The following PTPRN2 variants were observed in gnomAD, a reference collection of about 807,000 sequenced individuals.
PTPRN2 encodes receptor-type tyrosine-protein phosphatase N2.
PTPRN2 carries 74 observed loss-of-function variants against 118.8 expected under a neutral mutation model. The ratio of observed to expected loss-of-function variants is 0.62; its 90% confidence interval spans 0.52 to 0.76. The LOEUF (loss-of-function observed/expected upper bound fraction) is 0.76, where lower values mean the gene tolerates loss of function less well. PTPRN2 is among the 30% of genes least tolerant of loss of function. PTPRN2 has a pLI of 0.00. For missense variants in PTPRN2, 1,481 were observed against 1,394.4 expected (o/e 1.06, Z -0.99); for synonymous variants, 641 against 608.0 (o/e 1.05, Z -0.80).
chr7:158,333,441 C>T (rs1473929021), intron 2 of PTPRN2, among the ~76,000 whole-genome samples: 1 of 146,982 alleles, frequency 6.8e-6, no homozygotes, highest in Non-Finnish European at 1.5e-5. Context: ...GAGGTGACAC[C>T]TGCAGACGTC....
chr7:158,389,034 C>T (rs908457981), intron 2 of PTPRN2, among the ~76,000 whole-genome samples: 1 of 152,238 alleles, frequency 6.6e-6, no homozygotes, highest in Non-Finnish European at 1.5e-5. Context: ...TGATTTCACC[C>T]AACGTGAGGC....
At chr7:157,546,129 G>A (rs946130176) in intron 22 of PTPRN2, among the ~76,000 whole-genome samples, 4 of 152,138 alleles carry the variant, frequency 2.6e-5, no homozygotes, top group African/African-American at 9.7e-5. Flanking sequence ...GAGGAAGAGG[G>A]TGAACTCCTC....
At chr7:158,503,924 C>G (rs1822559328) in intron 1 of PTPRN2, among the ~76,000 whole-genome samples, 1 of 151,620 alleles carries the variant, frequency 6.6e-6, no homozygotes, top group African/African-American at 2.4e-5. Context: ...TCGCTTGAAC[C>G]CGGGAGTCGG....
At chr7:158,171,955 A>T (rs1275153382) in intron 5 of PTPRN2, among the ~76,000 whole-genome samples, 1 of 152,230 alleles carries the variant, frequency 6.6e-6, no homozygotes, top group Non-Finnish European at 1.5e-5. Flanking sequence ...TGAAGTCTTC[A>T]AACTATGTGT....
At chr7:158,336,212 G>C (rs1367923210) in intron 2 of PTPRN2, among the ~76,000 whole-genome samples, 2 of 53,514 alleles carry the variant, frequency 3.7e-5, no homozygotes, top group African/African-American at 1.5e-4. Flanking sequence ...CTCACCATAA[G>C]AGCCGACGCC....
chr7:158,135,335 T>C (rs1405176245), intron 8 of PTPRN2, among the ~76,000 whole-genome samples: 1 of 152,206 alleles, frequency 6.6e-6, no homozygotes, highest in Non-Finnish European at 1.5e-5. Flanking sequence ...AAAACACTGC[T>C]CAAATTTGGA....
rs1276423605 is a variant in PTPRN2 at position 157,713,006 on chromosome 7, G to A, written c.1789-30069C>T. ...CCTAGGTTCATGGTACTTGGTGAGG[G>A]CGGCCTCGGGCAGCTCACACATGGG... is the stretch of plus-strand genomic sequence containing the variant. On this transcript the variant is annotated intron_variant, in intron 12 of 22. Transcript: ENST00000389418. Among the ~76,000 whole-genome samples the A allele has an allele frequency of 2.6e-5, 4 of 152,318 alleles. No individual in the cohort carries two copies. The East Asian group carries it at 7.7e-4, about 29-fold the overall frequency.
chr7:158,227,156 C>T (rs1416795631), intron 3 of PTPRN2, among the ~76,000 whole-genome samples: 1 of 152,014 alleles, frequency 6.6e-6, no homozygotes, highest in Non-Finnish European at 1.5e-5. Flanking sequence ...GAAAATGGAA[C>T]AGTAGAAAAT....
At chr7:157,678,334 A>T (rs1037647235) in intron 13 of PTPRN2, among the ~76,000 whole-genome samples, 1 of 152,228 alleles carries the variant, frequency 6.6e-6, no homozygotes, top group Non-Finnish European at 1.5e-5. Context: ...ACCTCAGTAA[A>T]AGTCACTGTT....
chr7:158,181,342 G>C (rs1474172558), intron 5 of PTPRN2, among the ~76,000 whole-genome samples: 1 of 152,176 alleles, frequency 6.6e-6, no homozygotes, highest in African/African-American at 2.4e-5. Context: ...CAGTCAGCTA[G>C]TATTTCGTAG....
At chr7:158,420,159 C>T (rs549341852) in intron 2 of PTPRN2, among the ~76,000 whole-genome samples, 2 of 152,248 alleles carry the variant, frequency 1.3e-5, no homozygotes, top group South Asian at 4.2e-4. Context: ...TCCCGTTTTC[C>T]TTCCCAAGGC....
chr7:157,741,569 C>T (rs1203094683), intron 12 of PTPRN2, among the ~76,000 whole-genome samples: 2 of 152,232 alleles, frequency 1.3e-5, no homozygotes, highest in African/African-American at 2.4e-5. Context: ...CTCTTCCTCA[C>T]CTCTCTCTGG....
chr7:158,013,120 C>T (rs982955197), intron 11 of PTPRN2, among the ~76,000 whole-genome samples: 1 of 152,146 alleles, frequency 6.6e-6, no homozygotes, highest in African/African-American at 2.4e-5. Context: ...GAAAATCAAC[C>T]ATAAAGGAGA....
chr7:157,922,943 C>T (rs1052356181), intron 11 of PTPRN2, among the ~76,000 whole-genome samples: 1 of 152,350 alleles, frequency 6.6e-6, no homozygotes, highest in African/African-American at 2.4e-5. Flanking sequence ...TGGGACCAGC[C>T]ATCCTTCCAC....
At chr7:157,565,476 GTACCT>G (rs1222836824) in intron 21 of PTPRN2, among the ~76,000 whole-genome samples, 1 of 152,212 alleles carries the variant, frequency 6.6e-6, no homozygotes, top group African/African-American at 2.4e-5. Context: ...GGCCTCCATG[GTACCT>G]GGGGCCACAC....
At chr7:157,625,262 G>A (rs973250546) in intron 14 of PTPRN2, among the ~76,000 whole-genome samples, 4 of 152,162 alleles carry the variant, frequency 2.6e-5, no homozygotes, top group Non-Finnish European at 4.4e-5. Context: ...GTCATTATAC[G>A]AAAAATATAC....
chr7:158,304,250 G>A (rs188031899), intron 3 of PTPRN2, among the ~76,000 whole-genome samples: 513 of 149,622 alleles, frequency 3.4e-3, no homozygotes, highest in Non-Finnish European at 5.3e-3. Context: ...TACATGCTAG[G>A]GAGGCATAAA....
chr7:157,627,246 C>G lies in PTPRN2; in HGVS notation c.2197-5737G>C, dbSNP rs1285502679. The stretch of plus-strand genomic sequence containing the variant: ...CCCCTTCTCACACCGTGTCCCACTT[C>G]ACACAGCTCCTTGCTCTGGGCTCTC... On this transcript the variant is annotated intron_variant, in intron 14 of 22. Transcript: ENST00000389418. This position sits in a 1 kb window ranked among gnomAD's most constrained non-coding sequence, Gnocchi z 4.2. Among the ~76,000 whole-genome samples the G allele has an allele frequency of 2.6e-5, 4 of 152,232 alleles. No homozygotes were observed. In the East Asian group the frequency reaches 7.7e-4, roughly 29 times the overall value.
intron 2 of PTPRN2, among the ~76,000 whole-genome samples, chr7:158,401,340 G>C (rs1471038548): frequency 1.3e-5 from 2 of 152,262 alleles, no homozygotes; most frequent in Non-Finnish European, 2.9e-5. Flanking sequence ...CCACCAGGGA[G>C]AAAATAGACC....
Sources: allele counts gnomAD v4.1 joint callset (sites outside exome capture counted in the v4.1 genomes callset), GRCh38; gene constraint gnomAD v4.1.1; non-coding constraint Gnocchi (gnomAD v3.1); transcripts MANE v1.5; gene names NCBI Gene and HGNC (gene_info 2026-07-23, HGNC 2026-07-21).